Variants in USP25 observed in about 807,000 individuals in gnomAD.
The protein encoded by USP25 is ubiquitin carboxyl-terminal hydrolase 25.
Under a neutral mutation model 158.5 loss-of-function variants are expected in USP25, and 85 were observed. That is an observed-to-expected ratio of 0.54 (90% confidence interval 0.45 to 0.64). USP25 has a LOEUF of 0.64. USP25 is among the 30% of genes least tolerant of loss of function. The pLI is 0.00. For missense variants in USP25, 1,242 were observed against 1,327.3 expected (o/e 0.94, Z 1.00); for synonymous variants, 464 against 460.4 (o/e 1.01, Z -0.10).
intron 1 of USP25, chr21:15,743,993 C>T (rs138581272): frequency 5.1e-5 from 8 of 155,620 alleles, no homozygotes; most frequent in African/African-American, 1.9e-4. Flanking sequence ...TCACTTAGAA[C>T]AGTGGAACTT....
At chr21:15,852,286 C>T (rs9653733) in intron 20 of USP25, among the ~76,000 whole-genome samples, 19,946 of 151,674 alleles carry the variant, frequency 0.13, 2,857 homozygotes, top group African/African-American at 0.36. Context: ...AAAACACTTA[C>T]AAGAATAGTG....
At chr21:15,861,393 T>C (rs972854735) in intron 20 of USP25, among the ~76,000 whole-genome samples, 2 of 152,202 alleles carry the variant, frequency 1.3e-5, no homozygotes, top group African/African-American at 4.8e-5. Context: ...TAATGACTAG[T>C]ATCACATTTC....
chr21:15,827,333 T>C (rs1365014712), intron 14 of USP25, 130 bp downstream of exon 14: 4 of 858,184 alleles, frequency 4.7e-6, no homozygotes, highest in Non-Finnish European at 7.0e-6. Context: ...CAGAAAGGGT[T>C]TTAAGATAAA....
chr21:15,830,506 A>G, intron 14 of USP25, 25 bp from the exon 15 acceptor site: 2 of 1,578,752 alleles, frequency 1.3e-6, no homozygotes, highest in Non-Finnish European at 1.7e-6. Context: ...GCTGTTAATC[A>G]TTAAATGACA....
rs115901079 is a variant in USP25 at position 15,863,047 on chromosome 21, G to A, written c.2548-1221G>A. ...TGGATTTTTTGTAATCTTGCCTGAA[G>A]CCCAAAATGTTTATGCTTATTAGAG... On this transcript the variant is annotated intron_variant, in intron 20 of 25. Transcript: ENST00000400183. 4.2e-3 allele frequency among the ~76,000 whole-genome samples: 631 copies of A among 151,902 alleles called. 3 individuals are homozygous for A. The highest frequency in any genetic ancestry group is 0.015 in the African/African-American group (604 of 41,514).
chr21:15,739,510 G>C (rs1025759999), intron 1 of USP25, among the ~76,000 whole-genome samples: 2 of 152,220 alleles, frequency 1.3e-5, no homozygotes, highest in African/African-American at 2.4e-5. Flanking sequence ...TGTCATCCTA[G>C]GAACTGTGAA....
At chr21:15,830,781 A>G (rs2037761893) in intron 15 of USP25, among the ~76,000 whole-genome samples, 180 bp downstream of exon 15, 1 of 152,134 alleles carries the variant, frequency 6.6e-6, no homozygotes, top group Admixed American at 6.5e-5. Flanking sequence ...CTGAATGGGG[A>G]AACTTTTATA....
intron 23 of USP25, among the ~76,000 whole-genome samples, chr21:15,872,957 T>C (rs2039955912): frequency 6.6e-6 from 1 of 152,122 alleles, no homozygotes; most frequent in South Asian, 2.1e-4. Flanking sequence ...AATATATTAA[T>C]GAAAAACTGA....
In USP25 at chr21:15,772,697, A is replaced by G. The variant is rs141266553; in HGVS notation, c.269-5207A>G. Among the ~76,000 whole-genome samples the G allele has an allele frequency of 2.4e-3, 360 of 152,340 alleles. 5 individuals are homozygous for G. The highest frequency in any genetic ancestry group is 8.4e-3 in the African/African-American group (348 of 41,582). ...TTATTATAAATTGATAATTCGTTAC[A>G]TGTTTTACACAAATCATTATTCCAC... is the stretch of plus-strand genomic sequence containing the variant. On this transcript the variant is annotated intron_variant, in intron 3 of 25. Transcript: ENST00000400183.
At chr21:15,831,275 C>G in intron 15 of USP25, 126 bp from the exon 16 acceptor site, 2 of 794,502 alleles carry the variant, frequency 2.5e-6, no homozygotes, top group Admixed American at 2.8e-5. Context: ...CCAGCCAGTT[C>G]TCTCTCATTT....
rs181908038 is a variant in USP25, at chr21:15,847,722, C to T, written c.2397C>T (p.Ile799=). 5.5e-4 allele frequency: 854 copies of T among 1,550,110 alleles called. 8 individuals carry two copies. The highest frequency in any genetic ancestry group is 6.2e-4 in the African/African-American group (45 of 73,088). ...LSNQRVVEVA[I]PHVGKFMIES... ...ATCAGCGAGTTGTAGAGGTGGCGAT[C>T]CCTCATGTAGGGAAATTTATGATTG... The change falls in exon 19 of 26, where the codon ATC becomes ATT. Residue 799 remains isoleucine, a synonymous_variant. Coordinates refer to ENST00000400183, the MANE Select transcript of USP25 (RefSeq NM_001283041.3).
rs150768323 is a variant in USP25, at chr21:15,842,306, A to G, written c.2195-92A>G. ...ATGGAAGACTAAAATTGGTTCTTAC[A>G]TAACTTCAGACATAGAAATGAATAA... On this transcript the variant is annotated intron_variant, in intron 17 of 25. Transcript: ENST00000400183. The G allele has an allele frequency of 5.8e-5, 80 of 1,380,268 alleles. No individual in the cohort carries two copies. In the African/African-American group the frequency reaches 9.7e-4, roughly 17 times the overall value. The allele number at this position is 1,380,268 out of a possible 1,614,324, so 85.5% of individuals were successfully genotyped here. A position where few individuals can be genotyped will look rare whatever the true frequency, so the allele number is the denominator to read the frequency against.
At position 15,843,275 on chromosome 21, in the gene USP25, T is replaced by C. The variant is rs2038426064; in HGVS notation, c.2337+735T>C. On this transcript the variant is annotated intron_variant, in intron 18 of 25. Transcript: ENST00000400183. This position sits in a 1 kb window ranked among gnomAD's most constrained non-coding sequence, Gnocchi z 4.0. ...TATTAGTGAGCATAAGCAGCTCTAA[T>C]GCAGATTTTGTGGTAGTTCCTTTTA... Among the ~76,000 whole-genome samples, 1 of 152,228 alleles carries C rather than the reference T, an allele frequency of 6.6e-6. No homozygotes were observed. Among genetic ancestry groups the C allele is most frequent in the Non-Finnish European group, 1.5e-5 (1 of 68,038 alleles).
In USP25 at chr21:15,818,098, C is replaced by T. The variant is rs572849146; in HGVS notation, c.932-600C>T. Among the ~76,000 whole-genome samples, 6 of 152,210 alleles carry T rather than the reference C, an allele frequency of 3.9e-5. No individual in the cohort carries two copies. In the South Asian group the frequency reaches 1.2e-3, roughly 32 times the overall value. Reference sequence around the variant, plus strand: ...TCATGCTGTTCCATGGCCAAGAATACTCTATAGTCCCCCAGCACTCTGGCA... The same window carrying T: ...TCATGCTGTTCCATGGCCAAGAATATTCTATAGTCCCCCAGCACTCTGGCA... On this transcript the variant is annotated intron_variant, in intron 9 of 25. Coordinates refer to ENST00000400183, the MANE Select transcript of USP25 (RefSeq NM_001283041.3).
intron 11 of USP25, 120 bp from the exon 12 acceptor site, chr21:15,824,846 C>T (rs2037418481): frequency 5.5e-6 from 4 of 725,926 alleles, no homozygotes; most frequent in Non-Finnish European, 9.3e-6. Context: ...GAACTCCTGA[C>T]CTCAGGTGAT....
intron 10 of USP25, 61 bp from the exon 11 acceptor site, chr21:15,823,978 A>T: frequency 1.4e-5 from 21 of 1,521,434 alleles, no homozygotes; most frequent in Non-Finnish European, 1.9e-5. Context: ...TGTGCCTAAG[A>T]TTGCAGTGAA....
intron 1 of USP25, among the ~76,000 whole-genome samples, chr21:15,741,610 G>C (rs1021237830): frequency 6.6e-6 from 1 of 152,138 alleles, no homozygotes; most frequent in African/African-American, 2.4e-5. Context: ...TGTCTTTCAA[G>C]TGCTTGTTGG....
At chr21:15,786,888 A>C (rs1165769598) in intron 4 of USP25, among the ~76,000 whole-genome samples, 2 of 152,102 alleles carry the variant, frequency 1.3e-5, no homozygotes, top group Non-Finnish European at 2.9e-5. Context: ...TCACCAAAAA[A>C]CTGCTACAAC....
intron 22 of USP25, 101 bp from the exon 23 acceptor site, chr21:15,869,967 T>TA: frequency 1.2e-6 from 1 of 800,374 alleles, no homozygotes. Flanking sequence ...TTATTTCTAT[T>TA]AATTCAGATA....
Sources: gnomAD v4.1 joint callset for allele counts (sites outside exome capture counted in the v4.1 genomes callset) on GRCh38, gnomAD v4.1.1 for gene constraint, Gnocchi (gnomAD v3.1) non-coding constraint, MANE v1.5 for transcripts, NCBI Gene and HGNC (gene_info 2026-07-23, HGNC 2026-07-21) for gene names.